The following TMEFF2 variants were observed in gnomAD, a reference collection of about 807,000 sequenced individuals.
TMEFF2 encodes the protein tomoregulin-2.
In TMEFF2, 28 loss-of-function variants were observed where a neutral mutation model predicts 53.8. The ratio of observed to expected loss-of-function variants is 0.52; its 90% CI spans 0.39 to 0.71. The LOEUF (loss-of-function observed/expected upper bound fraction) is 0.71. Ranked by LOEUF, TMEFF2 falls within the 30% of genes least tolerant of loss-of-function variation. The probability of loss-of-function intolerance (pLI) is 0.00; values close to 1 mark genes in which losing one functional copy is unlikely to be tolerated. For synonymous variants in TMEFF2, 162 were observed against 166.3 expected, an observed-to-expected ratio of 0.97 and a Z score of 0.20; for missense variants, 353 against 455.2, an observed-to-expected ratio of 0.78 and a Z score of 2.04.
intron 5 of TMEFF2, among the ~76,000 whole-genome samples, chr2:192,005,824 C>A (rs1244503311): frequency 6.6e-6 from 1 of 152,094 alleles, no homozygotes; most frequent in East Asian, 1.9e-4. Context: ...GCTTATGATA[C>A]TTTAAGCCCA....
chr2:192,061,010 A>G (rs947487526), intron 4 of TMEFF2, among the ~76,000 whole-genome samples: 25 of 152,164 alleles, frequency 1.6e-4, no homozygotes, highest in Admixed American at 1.1e-3. Context: ...CGGAGGGATT[A>G]TAAGAAATGA....
At position 192,005,936 on chromosome 2, in the gene TMEFF2, G is replaced by GAAAA. The variant is rs369461977; in HGVS notation, c.537-6732_537-6729dup. On this transcript the variant is annotated intron_variant, in intron 5 of 9. Transcript: ENST00000272771. ...GCAGGAATGACTGTGAGTTGTGAGA[G>GAAAA]AAAATGAGGTAAGAGATGTGAAAAT... 3.2e-3 allele frequency among the ~76,000 whole-genome samples: 494 copies of GAAAA among 152,148 alleles called. 7 individuals are homozygous for GAAAA. The highest frequency in any genetic ancestry group is 0.026 in the South Asian group (124 of 4,814).
At chr2:192,047,362 T>C (rs928662601) in intron 5 of TMEFF2, among the ~76,000 whole-genome samples, 4 of 152,248 alleles carry the variant, frequency 2.6e-5, no homozygotes, top group African/African-American at 9.6e-5. Flanking sequence ...TATCTGCTTA[T>C]TATAAGCCCT....
At chr2:191,992,900 C>G (rs766186909) in intron 7 of TMEFF2, among the ~76,000 whole-genome samples, 62 of 152,006 alleles carry the variant, frequency 4.1e-4, no homozygotes, top group Non-Finnish European at 2.5e-4. Flanking sequence ...AAATGGTTAA[C>G]GCTTAGGGTG....
chr2:192,072,059 C>T (rs1364165144), intron 4 of TMEFF2, among the ~76,000 whole-genome samples: 4 of 151,778 alleles, frequency 2.6e-5, no homozygotes, highest in African/African-American at 9.7e-5. Context: ...TTTGAAAATA[C>T]AGTATGAAGC....
intron 9 of TMEFF2, among the ~76,000 whole-genome samples, chr2:191,953,444 T>TA (rs992452084): frequency 8.6e-5 from 13 of 151,904 alleles, no homozygotes; most frequent in South Asian, 2.1e-4. Flanking sequence ...TTCAAGCAGG[T>TA]AAAAAAAACA....
intron 7 of TMEFF2, among the ~76,000 whole-genome samples, chr2:191,997,626 T>C (rs763132968): frequency 1.7e-4 from 26 of 151,632 alleles, no homozygotes; most frequent in Non-Finnish European, 3.4e-4. Flanking sequence ...ACCCATGAAT[T>C]ATTTCTCACT....
chr2:192,110,166 T>C (rs1396685900), intron 4 of TMEFF2, among the ~76,000 whole-genome samples: 1 of 152,094 alleles, frequency 6.6e-6, no homozygotes, highest in East Asian at 1.9e-4. Context: ...CAATACAAGC[T>C]GAAGAAACAG....
intron 4 of TMEFF2, among the ~76,000 whole-genome samples, chr2:192,068,846 CA>C (rs1469514326): frequency 6.6e-6 from 1 of 151,354 alleles, no homozygotes; most frequent in Non-Finnish European, 1.5e-5. Flanking sequence ...AAAAGAGTAG[CA>C]AAAAATATAA....
intron 2 of TMEFF2, among the ~76,000 whole-genome samples, chr2:192,188,711 A>G (rs1165593358): frequency 6.6e-6 from 1 of 152,182 alleles, no homozygotes; most frequent in Non-Finnish European, 1.5e-5. Context: ...ATATTTTTAA[A>G]TTATAAAGTG....
intron 9 of TMEFF2, 139 bp downstream of exon 9, chr2:191,953,540 C>G: frequency 1.2e-6 from 1 of 865,832 alleles, no homozygotes; most frequent in Non-Finnish European, 1.7e-6. Context: ...TTCAAATACT[C>G]TTATGCTAAG....
chr2:192,005,601 C>T (rs1032957484), intron 5 of TMEFF2, among the ~76,000 whole-genome samples: 1 of 152,158 alleles, frequency 6.6e-6, no homozygotes, highest in African/African-American at 2.4e-5. Context: ...AACTATACCG[C>T]AGTGAGGCTG....
chr2:192,150,594 C>T (rs1457108033), intron 4 of TMEFF2, among the ~76,000 whole-genome samples: 1 of 151,570 alleles, frequency 6.6e-6, no homozygotes, highest in Non-Finnish European at 1.5e-5. Flanking sequence ...ACTATCAGTT[C>T]TCTTCTGGTT....
chr2:192,051,555 G>T (rs1427491361), intron 5 of TMEFF2, among the ~76,000 whole-genome samples: 1 of 152,098 alleles, frequency 6.6e-6, no homozygotes, highest in Non-Finnish European at 1.5e-5. Context: ...TTCCTCAGAG[G>T]TGTCTTAATT....
intron 4 of TMEFF2, among the ~76,000 whole-genome samples, chr2:192,085,668 A>G (rs1172089561): frequency 6.6e-6 from 1 of 151,724 alleles, no homozygotes; most frequent in African/African-American, 2.4e-5. Flanking sequence ...TGATGAAGAA[A>G]TCCATATCTA....
intron 5 of TMEFF2, among the ~76,000 whole-genome samples, chr2:192,023,580 G>T (rs944387702): frequency 1.3e-5 from 2 of 152,136 alleles, no homozygotes; most frequent in South Asian, 4.1e-4. Context: ...GGCACTCTTT[G>T]TTTCTGCAGA....
intron 4 of TMEFF2, among the ~76,000 whole-genome samples, chr2:192,171,197 C>G (rs1320134049): frequency 6.6e-6 from 1 of 151,992 alleles, no homozygotes; most frequent in Admixed American, 6.6e-5. Flanking sequence ...ATAGATTTGA[C>G]TACAGCAAAA....
At chr2:192,104,566 A>G (rs1224611772) in intron 4 of TMEFF2, among the ~76,000 whole-genome samples, 1 of 152,152 alleles carries the variant, frequency 6.6e-6, no homozygotes, top group Non-Finnish European at 1.5e-5. Context: ...ATTTTAATGC[A>G]AAAACCTGAC....
intron 4 of TMEFF2, among the ~76,000 whole-genome samples, chr2:192,069,104 G>T (rs528390953): frequency 6.6e-6 from 1 of 151,146 alleles, no homozygotes; most frequent in Non-Finnish European, 1.5e-5. Flanking sequence ...CCCCCTACTC[G>T]ACTCACATTG....
Sources: gnomAD v4.1 joint callset for allele counts (sites outside exome capture counted in the v4.1 genomes callset) on GRCh38, gnomAD v4.1.1 for gene constraint, MANE v1.5 for transcripts, NCBI Gene and HGNC (gene_info 2026-07-23, HGNC 2026-07-21) for gene names.